Variants in C22orf39 observed in about 807,000 individuals in gnomAD.
C22orf39 encodes synaptic plasticity regulator PANTS.
A neutral mutation model predicts 18.3 loss-of-function variants in C22orf39; 20 were observed. That is an observed-to-expected ratio of 1.09 (90% confidence interval 0.77 to 1.59). The LOEUF (loss-of-function observed/expected upper bound fraction) is 1.59. Ranked by LOEUF, C22orf39 falls within the 40% of genes most tolerant of loss-of-function variation. C22orf39 has a pLI of 0.00. For synonymous variants in C22orf39, 63 were observed against 59.6 expected (o/e 1.06, Z -0.26); for missense variants, 195 against 156.1 (o/e 1.25, Z -1.33).
Position 19,443,580 on chromosome 22 carries a change from G to T in C22orf39, c.*685C>A. ...AGGAGTGCTTAATTCCATATGTCTT[G>T]GACTTGGATTTCTTCAGCTGAGTCC... On this transcript the variant is annotated 3_prime_UTR_variant, in exon 3 of 3. Coordinates refer to ENST00000399562, the MANE Select transcript of C22orf39 (RefSeq NM_173793.5). The T allele has an allele frequency of 1.0e-6, 1 of 985,406 alleles. No homozygotes were observed. Among genetic ancestry groups the T allele is most frequent in the Non-Finnish European group, 1.2e-6 (1 of 829,838 alleles). 61.0% of individuals were successfully genotyped at this position (985,406 alleles called of 1,614,324 possible). A position where few individuals can be genotyped will look rare whatever the true frequency, so the allele number is the denominator to read the frequency against.
At position 19,444,387 on chromosome 22, in the gene C22orf39, A is replaced by G; in HGVS notation, c.196T>C (p.Ser66Pro). 6.3e-7 allele frequency: 1 copy of G among 1,598,084 alleles called. No homozygotes were observed. Among genetic ancestry groups the G allele is most frequent in the Non-Finnish European group, 8.5e-7 (1 of 1,175,278 alleles). ...EERRNAEAQQSLCESERARVR... is the reference protein window; with the variant it reads ...EERRNAEAQQPLCESERARVR... ...CGTGCCCGCTCGCTCTCACAGAGGG[A>G]TTGCTGTGCAAATGAGACTCTAGTC... The change falls in exon 3 of 3, where the codon TCC becomes CCC. Residue 66 changes from serine (S) to proline (P), a missense_variant. Physicochemically the swap from Ser to Pro is moderately conservative, Grantham distance 74. Transcript: ENST00000399562.
At chr22:19,446,568 G>A (rs2089640602) in intron 2 of C22orf39, among the ~76,000 whole-genome samples, 1 of 152,184 alleles carries the variant, frequency 6.6e-6, no homozygotes, top group African/African-American at 2.4e-5. Flanking sequence ...TATCACTCGT[G>A]CATCCCCAAG....
chr22:19,447,576 C>T (rs766155422), intron 1 of C22orf39, 31 bp from the exon 2 acceptor site: 7 of 1,406,346 alleles, frequency 5.0e-6, no homozygotes, highest in Middle Eastern at 2.5e-4. Flanking sequence ...TGAGCGGGGC[C>T]CGGCGGCCGC....
At chr22:19,446,814 C>G (rs1601879638) in intron 2 of C22orf39, among the ~76,000 whole-genome samples, 1 of 152,136 alleles carries the variant, frequency 6.6e-6, no homozygotes, top group South Asian at 2.1e-4. Context: ...GCGATCCTCC[C>G]GCCTCACCCT....
At chr22:19,446,537 C>A (rs747210221) in intron 2 of C22orf39, among the ~76,000 whole-genome samples, 6 of 152,168 alleles carry the variant, frequency 3.9e-5, no homozygotes, top group Non-Finnish European at 7.3e-5. Context: ...GTGTGGGTGC[C>A]AGGAGGGCAG....
chr22:19,444,479 A>G (rs1601878537), intron 2 of C22orf39, 89 bp from the exon 3 acceptor site: 1 of 1,418,646 alleles, frequency 7.0e-7, no homozygotes, highest in East Asian at 2.5e-5. Context: ...TCTGAAACAC[A>G]GATGGACAGG....
Position 19,444,117 on chromosome 22 carries a change from G to A in C22orf39, c.*148C>T. The A allele has an allele frequency of 7.3e-7, 1 of 1,370,020 alleles. No homozygotes were observed. Among genetic ancestry groups the A allele is most frequent in the Non-Finnish European group, 9.3e-7 (1 of 1,070,496 alleles). 84.9% of individuals were successfully genotyped at this position (1,370,020 alleles called of 1,614,324 possible). On this transcript the variant is annotated 3_prime_UTR_variant, in exon 3 of 3. Coordinates refer to ENST00000399562, the MANE Select transcript of C22orf39 (RefSeq NM_173793.5). Reference sequence around the variant, plus strand: ...ATGCAGGTGAGGGGTGGGCAAGTAGGGCTAGCAATGTCCTGCTCCATGTTC... The same window carrying A: ...ATGCAGGTGAGGGGTGGGCAAGTAGAGCTAGCAATGTCCTGCTCCATGTTC...
rs555563422 is a variant in C22orf39, at chr22:19,443,417, A to C, written c.*848T>G. 5.5e-5 allele frequency: 54 copies of C among 985,870 alleles called. 1 individual carries two copies. In the African/African-American group the frequency reaches 8.9e-4, roughly 16 times the overall value. 61.1% of individuals were successfully genotyped at this position (985,870 alleles called of 1,614,324 possible). A position where few individuals can be genotyped will look rare whatever the true frequency, so the allele number is the denominator to read the frequency against. ...TAAAACACTTAACAAGAGAATAAGC[A>C]TACAAATTTCTAATACTGTCCAGGT... On this transcript the variant is annotated 3_prime_UTR_variant, in exon 3 of 3. Transcript: ENST00000399562.
chr22:19,447,617 C>A, intron 1 of C22orf39, 48 bp downstream of exon 1: 1 of 1,598,816 alleles, frequency 6.3e-7, no homozygotes, highest in Non-Finnish European at 8.5e-7. Flanking sequence ...CCCGTTCCCT[C>A]CCTCCGGAAG....
chr22:19,447,570 C>T (rs2089649964), intron 1 of C22orf39, 25 bp from the exon 2 acceptor site: 2 of 1,399,618 alleles, frequency 1.4e-6, no homozygotes, highest in Admixed American at 3.6e-5. Flanking sequence ...GGCGCCTGAG[C>T]GGGGCCCGGC....
rs947682710 is a variant in C22orf39 at position 19,441,345 on chromosome 22, T to C, written c.*2920A>G. 6.5e-6 allele frequency: 2 copies of C among 309,732 alleles called. No individual in the cohort carries two copies. Among genetic ancestry groups the C allele is most frequent in the Admixed American group, 4.9e-5 (1 of 20,382 alleles). The allele number at this position is 309,732 out of a possible 1,614,324, so 19.2% of individuals were successfully genotyped here. ...GCTGTTTTTGCTCTGAAGAATTTCC[T>C]TGAGTTTCATCTGAGTTGCTGTGTG... is the stretch of plus-strand genomic sequence containing the variant. On this transcript the variant is annotated 3_prime_UTR_variant, in exon 3 of 3. Coordinates refer to ENST00000399562, the MANE Select transcript of C22orf39 (RefSeq NM_173793.5).
rs983940860 is a variant in C22orf39 at position 19,444,602 on chromosome 22, A to G, written c.193-212T>C. Among the ~76,000 whole-genome samples, 3 of 152,154 alleles carry G rather than the reference A, an allele frequency of 2.0e-5. No individual in the cohort carries two copies. In the South Asian group the frequency reaches 6.2e-4, roughly 32 times the overall value. On this transcript the variant is annotated intron_variant, in intron 2 of 2. Coordinates refer to ENST00000399562, the MANE Select transcript of C22orf39 (RefSeq NM_173793.5). ...GAGATCATTTTTTTTCTCACAAGCT[A>G]CTGTGAAAAACTACTGAATAGGTCA...
chr22:19,445,683 T>C (rs563590040), intron 2 of C22orf39, among the ~76,000 whole-genome samples: 56 of 152,180 alleles, frequency 3.7e-4, no homozygotes, highest in Non-Finnish European at 5.7e-4. Context: ...ATTTTTTCTT[T>C]TTTTTTCTTG....
Position 19,441,537 on chromosome 22 carries a change from C to T in C22orf39, c.*2728G>A. The T allele has an allele frequency of 3.2e-6, 2 of 617,718 alleles. No individual in the cohort carries two copies. Among genetic ancestry groups the T allele is most frequent in the Admixed American group, 3.0e-5 (1 of 33,452 alleles). 38.3% of individuals were successfully genotyped at this position (617,718 alleles called of 1,614,324 possible). ...AAAACATTTATTTTTATTTTTAAAACATTTATTTAGAGATGGGGTCTTGCT... is the reference window on the plus strand; with the variant it reads ...AAAACATTTATTTTTATTTTTAAAATATTTATTTAGAGATGGGGTCTTGCT... On this transcript the variant is annotated 3_prime_UTR_variant, in exon 3 of 3. Coordinates refer to ENST00000399562, the MANE Select transcript of C22orf39 (RefSeq NM_173793.5).
Position 19,447,676 on chromosome 22 carries a change from T to TGCC in C22orf39, c.10_12dup (p.Gly4dup), listed in dbSNP as rs767423629. On this transcript the variant is annotated inframe_insertion, in exon 1 of 3. Transcript: ENST00000399562. ...CCCAGCACACTCACCTGCCAGCCGC[T>TGCC]GCCGTCCGCCATGTCTGGGCGACCG... 1.8e-5 allele frequency: 29 copies of TGCC among 1,610,894 alleles called. No individual in the cohort carries two copies. The highest frequency in any genetic ancestry group is 2.4e-5 in the Non-Finnish European group (28 of 1,178,948).
rs56867241 is a variant in C22orf39, at chr22:19,444,307, AG to A, written c.275del (p.Pro92LeufsTer77). ...ILVWAPRQSP[P>X]PDWHLPLPQE... ...GTGGCAGAGGGAGATGCCAGTCTGG[AG>A]GGGGGCTCTGCCTCGGGGCCCACAC... On this transcript the variant is annotated frameshift_variant, in exon 3 of 3. Coordinates refer to ENST00000399562, the MANE Select transcript of C22orf39 (RefSeq NM_173793.5). LOFTEE classifies it high-confidence loss of function. 402 of 1,601,204 alleles carry A rather than the reference AG, an allele frequency of 2.5e-4. 1 individual carries two copies. In the African/African-American group the frequency reaches 4.8e-3, roughly 19 times the overall value.
intron 2 of C22orf39, among the ~76,000 whole-genome samples, chr22:19,446,737 C>G (rs1266021332): frequency 2.0e-5 from 3 of 152,124 alleles, no homozygotes; most frequent in African/African-American, 7.2e-5. Flanking sequence ...AGGTCTCCCT[C>G]TGTTATCCAG....
In C22orf39 at chr22:19,447,379, TG is replaced by T. The variant is rs1473382189; in HGVS notation, c.190del (p.Gln64SerfsTer105). The T allele has an allele frequency of 5.3e-6, 8 of 1,495,616 alleles. No individual in the cohort carries two copies. Among genetic ancestry groups the T allele is most frequent in the Non-Finnish European group, 7.1e-6 (8 of 1,129,710 alleles). 92.6% of individuals were successfully genotyped at this position (1,495,616 alleles called of 1,614,324 possible). ...CCGCCCCGCTCCCTCCCGGCGCACCTGGGCCTCGGCGTTCCGGCGCTCCTCC... is the reference window on the plus strand; with the variant it reads ...CCGCCCCGCTCCCTCCCGGCGCACCTGGCCTCGGCGTTCCGGCGCTCCTCC... Reference protein sequence around the residue: ...DWEERRNAEAQQSLCESERAR... With the variant: ...DWEERRNAEAXQSLCESERAR... On this transcript the variant is annotated frameshift_variant and splice_region_variant, in exon 2 of 3. Coordinates refer to ENST00000399562, the MANE Select transcript of C22orf39 (RefSeq NM_173793.5). LOFTEE classifies it high-confidence loss of function.
Position 19,442,464 on chromosome 22 carries a change from T to TC in C22orf39, c.*1800_*1801insG, listed in dbSNP as rs1431584293. 2.0e-5 allele frequency: 3 copies of TC among 152,268 alleles called. No homozygotes were observed. The highest frequency in any genetic ancestry group is 7.2e-5 in the African/African-American group (3 of 41,428). 9.4% of individuals were successfully genotyped at this position (152,268 alleles called of 1,614,324 possible). On this transcript the variant is annotated 3_prime_UTR_variant, in exon 3 of 3. Transcript: ENST00000399562. ...AGGGGAAGCCCCTCATGGACTGGGGTGCTGGCTGGCATGCCCTGGCTTTTG... is the reference window on the plus strand; with the variant it reads ...AGGGGAAGCCCCTCATGGACTGGGGTCGCTGGCTGGCATGCCCTGGCTTTTG...
Sources: gnomAD v4.1 joint callset for allele counts (sites outside exome capture counted in the v4.1 genomes callset) on GRCh38, gnomAD v4.1.1 for gene constraint, MANE v1.5 for transcripts, NCBI Gene and HGNC (gene_info 2026-07-23, HGNC 2026-07-21) for gene names.